TESK2: variants seen among roughly 807,000 people sequenced by gnomAD.
The protein encoded by TESK2 is dual specificity testis-specific protein kinase 2.
Under a neutral mutation model 57.1 loss-of-function variants are expected in TESK2, and 39 were observed. The observed-to-expected ratio is 0.68, with a 90% CI of 0.53 to 0.89. The LOEUF (loss-of-function observed/expected upper bound fraction) is 0.89. Ranked by LOEUF, TESK2 falls within the 40% of genes least tolerant of loss-of-function variation. The probability of loss-of-function intolerance (pLI) is 0.00; values close to 1 mark genes in which losing one functional copy is unlikely to be tolerated. For missense variants in TESK2, 646 were observed against 732.1 expected (o/e 0.88, Z 1.36); for synonymous variants, 249 against 267.9 (o/e 0.93, Z 0.69).
intron 2 of TESK2, among the ~76,000 whole-genome samples, chr1:45,442,747 T>C (rs1033821870): frequency 6.6e-6 from 1 of 152,190 alleles, no homozygotes; most frequent in African/African-American, 2.4e-5. Context: ...CATACTTCAG[T>C]TCTTCCCTAA....
chr1:45,410,475 C>T (rs753998650), intron 3 of TESK2, among the ~76,000 whole-genome samples: 3 of 151,762 alleles, frequency 2.0e-5, no homozygotes, highest in African/African-American at 4.8e-5. Flanking sequence ...CATGGTGGCG[C>T]GTGCCTGTAA....
chr1:45,387,031 C>T (rs539136767), intron 3 of TESK2, among the ~76,000 whole-genome samples: 34 of 152,196 alleles, frequency 2.2e-4, no homozygotes, highest in Non-Finnish European at 3.8e-4. Flanking sequence ...CATTCTTACG[C>T]CTTTGCATAA....
At chr1:45,421,999 A>T (rs1186780552) in intron 2 of TESK2, among the ~76,000 whole-genome samples, 153 bp from the exon 3 acceptor site, 1 of 152,254 alleles carries the variant, frequency 6.6e-6, no homozygotes, top group Non-Finnish European at 1.5e-5. Flanking sequence ...CCATGAATGA[A>T]GATGAATTAT....
intron 10 of TESK2, 130 bp downstream of exon 10, chr1:45,345,747 C>T: frequency 1.1e-6 from 1 of 908,164 alleles, no homozygotes; most frequent in South Asian, 1.6e-5. Context: ...GTACTTTCTG[C>T]ATCATCTCCT....
At position 45,402,969 on chromosome 1, in the gene TESK2, GA is replaced by G. The variant is rs112433425; in HGVS notation, c.345-17010del. On this transcript the variant is annotated intron_variant, in intron 3 of 10. Coordinates refer to ENST00000372086, the MANE Select transcript of TESK2 (RefSeq NM_007170.3). ...ACCATCATTTCTTGGACTTGGGCTA[GA>G]AAAAAAAAATCACCAATAACAACAA... 6.9e-4 allele frequency among the ~76,000 whole-genome samples: 102 copies of G among 147,554 alleles called. No homozygotes were observed. The East Asian group carries it at 0.014, about 20-fold the overall frequency.
intron 4 of TESK2, among the ~76,000 whole-genome samples, chr1:45,366,943 G>A (rs886134055): frequency 1.3e-5 from 2 of 152,066 alleles, no homozygotes; most frequent in Non-Finnish European, 2.9e-5. Context: ...AGACCAGCCT[G>A]GGTAACATGG....
intron 2 of TESK2, among the ~76,000 whole-genome samples, chr1:45,446,419 C>T (rs1196520950): frequency 6.6e-6 from 1 of 152,004 alleles, no homozygotes; most frequent in Non-Finnish European, 1.5e-5. Context: ...TATGATCGTA[C>T]TACTGCACTC....
At chr1:45,485,950 C>G (rs2149309870) in intron 1 of TESK2, among the ~76,000 whole-genome samples, 1 of 151,192 alleles carries the variant, frequency 6.6e-6, no homozygotes, top group South Asian at 2.1e-4. Context: ...TTATATTAAC[C>G]ATCATATAGT....
chr1:45,480,847 G>A (rs571278303), intron 1 of TESK2, among the ~76,000 whole-genome samples: 20 of 151,268 alleles, frequency 1.3e-4, no homozygotes, highest in Middle Eastern at 3.4e-3. Flanking sequence ...AATTAGCCAG[G>A]TGTGGTGGTG....
At chr1:45,364,162 C>T (rs1647810110) in intron 4 of TESK2, among the ~76,000 whole-genome samples, 1 of 151,994 alleles carries the variant, frequency 6.6e-6, no homozygotes, top group Non-Finnish European at 1.5e-5. Flanking sequence ...GAATTACATC[C>T]CCCCAAAAGA....
intron 4 of TESK2, among the ~76,000 whole-genome samples, chr1:45,365,248 G>A (rs145878700): frequency 1.3e-4 from 20 of 152,208 alleles, no homozygotes; most frequent in Non-Finnish European, 2.6e-4. Flanking sequence ...GCGTACATCC[G>A]TATATCTGCC....
intron 1 of TESK2, among the ~76,000 whole-genome samples, chr1:45,464,045 G>A (rs1374526247): frequency 6.6e-6 from 1 of 152,024 alleles, no homozygotes; most frequent in Non-Finnish European, 1.5e-5. Context: ...AAAATTTGAG[G>A]ATTTTTTTTC....
chr1:45,371,079 CAA>C (rs536097926), intron 4 of TESK2, among the ~76,000 whole-genome samples: 1 of 133,422 alleles, frequency 7.5e-6, no homozygotes, highest in Non-Finnish European at 1.6e-5. Context: ...TAGCTACTAT[CAA>C]AAAAAAAAAA....
At chr1:45,454,887 C>T (rs1652011917) in intron 2 of TESK2, among the ~76,000 whole-genome samples, 1 of 152,120 alleles carries the variant, frequency 6.6e-6, no homozygotes, top group Admixed American at 6.6e-5. Context: ...TGAATTAACT[C>T]TAACACAAAT....
At chr1:45,484,059 C>T (rs1407310429) in intron 1 of TESK2, among the ~76,000 whole-genome samples, 3 of 149,844 alleles carry the variant, frequency 2.0e-5, no homozygotes, top group African/African-American at 7.3e-5. Context: ...TTCCCAACCC[C>T]TGTTTTGTTC....
chr1:45,410,777 T>A (rs1189883282), intron 3 of TESK2, among the ~76,000 whole-genome samples: 1 of 151,846 alleles, frequency 6.6e-6, no homozygotes, highest in Admixed American at 6.6e-5. Context: ...TTTTTATTTT[T>A]TTTTTAACAT....
At chr1:45,460,909 A>T (rs1652306045) in intron 1 of TESK2, among the ~76,000 whole-genome samples, 1 of 152,250 alleles carries the variant, frequency 6.6e-6, no homozygotes, top group Non-Finnish European at 1.5e-5. Context: ...CCTATTTACT[A>T]GCAAAGCTAG....
At chr1:45,384,408 T>A (rs564878568) in intron 4 of TESK2, among the ~76,000 whole-genome samples, 1 of 151,454 alleles carries the variant, frequency 6.6e-6, no homozygotes, top group South Asian at 2.1e-4. Context: ...TCTATCTATC[T>A]ATCTATCTAT....
At chr1:45,480,505 A>T (rs926198780) in intron 1 of TESK2, among the ~76,000 whole-genome samples, 3 of 151,732 alleles carry the variant, frequency 2.0e-5, no homozygotes, top group African/African-American at 7.3e-5. Context: ...TTATCCCACA[A>T]ATATCCTTGC....
Sources: gnomAD v4.1 joint callset for allele counts (sites outside exome capture counted in the v4.1 genomes callset) on GRCh38, gnomAD v4.1.1 for gene constraint, MANE v1.5 for transcripts, NCBI Gene and HGNC (gene_info 2026-07-23, HGNC 2026-07-21) for gene names.